LRRC17: variants seen among roughly 807,000 people sequenced by gnomAD.
LRRC17 encodes the protein leucine-rich repeat-containing protein 17.
A neutral mutation model predicts 41.5 loss-of-function variants in LRRC17; 33 were observed. That is an observed-to-expected ratio of 0.80 (90% CI 0.60 to 1.06). The LOEUF (loss-of-function observed/expected upper bound fraction) is 1.06. Ranked by LOEUF, LRRC17 falls within the 50% of genes least tolerant of loss-of-function variation. LRRC17 has a pLI of 0.00. For synonymous variants in LRRC17, 192 were observed against 197.0 expected (o/e 0.97, Z 0.21); for missense variants, 491 against 519.3 (o/e 0.95, Z 0.53).
At position 102,944,344 on chromosome 7, in the gene LRRC17, G is replaced by C; in HGVS notation, c.1063G>C (p.Asp355His). ...GCTCAGAGATAACCCTTGGAGATGT[G>C]ACTACAACATTCACTACCTCTACTA... ...LWLRDNPWRCDYNIHYLYYWL... is the reference protein window; with the variant it reads ...LWLRDNPWRCHYNIHYLYYWL... Residue 355 changes from aspartate (D) to histidine (H), a missense_variant, in exon 4 of 4, where the codon GAC (aspartate) becomes CAC (histidine). By Grantham distance (81) the Asp-to-His change is moderately conservative. Transcript: ENST00000339431. 1 of 1,614,044 alleles carries C rather than the reference G, an allele frequency of 6.2e-7. No homozygotes were observed. The highest frequency in any genetic ancestry group is 8.5e-7 in the Non-Finnish European group (1 of 1,179,966).
At position 102,918,732 on chromosome 7, in the gene LRRC17, G is replaced by A. The variant is rs901349758; in HGVS notation, c.-141+5587G>A. Reference sequence around the variant, plus strand: ...CTATCATCACACTATGTAGCTGGGTGTAGCCTGGGTGAAAGAGCAAGGCCC... The same window carrying A: ...CTATCATCACACTATGTAGCTGGGTATAGCCTGGGTGAAAGAGCAAGGCCC... On this transcript the variant is annotated intron_variant, in intron 1 of 3. Coordinates refer to ENST00000339431, the MANE Select transcript of LRRC17 (RefSeq NM_001031692.3). Among the ~76,000 whole-genome samples the A allele has an allele frequency of 2.6e-5, 4 of 152,172 alleles. No individual in the cohort carries two copies. In the East Asian group the frequency reaches 7.7e-4, roughly 29 times the overall value.
chr7:102,928,162 A>G (rs61047356), intron 1 of LRRC17, among the ~76,000 whole-genome samples: 4,326 of 152,166 alleles, frequency 0.028, 207 homozygotes, highest in East Asian at 0.16. Context: ...AAATTAGACC[A>G]CTCCCATTCT....
intron 2 of LRRC17, among the ~76,000 whole-genome samples, chr7:102,935,505 G>A (rs6942688): frequency 0.052 from 7,962 of 152,038 alleles, 279 homozygotes; most frequent in South Asian, 0.13. Context: ...ATGAGACTAA[G>A]GAAATCTTTC....
chr7:102,919,307 A>G (rs1224032321), intron 1 of LRRC17, among the ~76,000 whole-genome samples: 2 of 152,226 alleles, frequency 1.3e-5, no homozygotes, highest in Non-Finnish European at 2.9e-5. Flanking sequence ...TATGCTAATG[A>G]AAAGGCATAT....
chr7:102,919,888 G>A (rs1345679915), intron 1 of LRRC17, among the ~76,000 whole-genome samples: 1 of 152,020 alleles, frequency 6.6e-6, no homozygotes, highest in Non-Finnish European at 1.5e-5. Context: ...AGTAAGCTGT[G>A]AGAAAAAAAG....
chr7:102,940,260 A>T (rs1821153212), intron 3 of LRRC17, among the ~76,000 whole-genome samples: 2 of 147,280 alleles, frequency 1.4e-5, no homozygotes. Flanking sequence ...GCCAGGCTGG[A>T]GTGCAATGGT....
rs1822092794 is a variant in LRRC17, at chr7:102,944,503, T to A, written c.1222T>A (p.Tyr408Asn). 6.2e-7 allele frequency: 1 copy of A among 1,613,918 alleles called. No homozygotes were observed. The highest frequency in any genetic ancestry group is 1.3e-5 in the African/African-American group (1 of 74,892). ...ATGCCCCAAAGACAAGTTACCAGCA[T>A]ATCCTGAGTCATTTGACCAAGACAC... ...EECPKDKLPA[Y>N]PESFDQDTED... Residue 408 changes from tyrosine (Y) to asparagine (N), a missense_variant, in exon 4 of 4, where the codon TAT becomes AAT. By Grantham distance (143) the Tyr-to-Asn change is moderately radical. Transcript: ENST00000339431.
intron 2 of LRRC17, among the ~76,000 whole-genome samples, chr7:102,935,086 GT>G (rs1368589397): frequency 3.3e-5 from 5 of 152,146 alleles, no homozygotes; most frequent in Non-Finnish European, 7.4e-5. Flanking sequence ...GTGTGCATCT[GT>G]GAGAAGATCA....
intron 3 of LRRC17, among the ~76,000 whole-genome samples, 153 bp from the exon 4 acceptor site, chr7:102,944,057 G>A (rs1821974512): frequency 6.6e-6 from 1 of 152,134 alleles, no homozygotes; most frequent in African/African-American, 2.4e-5. Flanking sequence ...GTTTTCTAAA[G>A]TAAAAGCTCT....
chr7:102,921,084 G>A (rs1360615557), intron 1 of LRRC17, among the ~76,000 whole-genome samples: 5 of 152,234 alleles, frequency 3.3e-5, no homozygotes, highest in South Asian at 2.1e-4. Context: ...CCCAGGAGGC[G>A]GAGGTTGCAG....
intron 1 of LRRC17, among the ~76,000 whole-genome samples, chr7:102,924,326 C>T (rs1019960084): frequency 6.6e-6 from 1 of 151,818 alleles, no homozygotes; most frequent in Admixed American, 6.6e-5. Flanking sequence ...AGTTTGCTGA[C>T]CCCTGATTTA....
chr7:102,939,339 G>T lies in LRRC17; in HGVS notation c.773-91G>T, dbSNP rs968338739. The T allele has an allele frequency of 5.4e-6, 6 of 1,110,406 alleles. No individual in the cohort carries two copies. The Admixed American group carries it at 1.4e-4, about 25-fold the overall frequency. The allele number at this position is 1,110,406 out of a possible 1,614,324, so 68.8% of individuals were successfully genotyped here. On this transcript the variant is annotated intron_variant, in intron 2 of 3. Coordinates refer to ENST00000339431, the MANE Select transcript of LRRC17 (RefSeq NM_001031692.3). The stretch of plus-strand genomic sequence containing the variant: ...ATATCCCTTTACCCCTTCTCTTTAA[G>T]AGCTGATTCTTCAATCACACAGATA...
Position 102,933,992 on chromosome 7 carries a change from A to C in LRRC17, c.79A>C (p.Arg27=), listed in dbSNP as rs780894836. The C allele has an allele frequency of 3.0e-5, 48 of 1,614,060 alleles. No individual in the cohort carries two copies. The highest frequency in any genetic ancestry group is 4.0e-5 in the Non-Finnish European group (47 of 1,179,996). The stretch of plus-strand genomic sequence containing the variant: ...GCGCAAAGCAAGCCCAGGCAGTGTG[A>C]GAAGCCGAGTGAATCATGGCCGGGC... The part of the protein sequence containing the change: ...ELRKASPGSV[R]SRVNHGRAGG... The change falls in exon 2 of 4, where the codon AGA becomes CGA. Residue 27 remains arginine, a synonymous_variant. Coordinates refer to ENST00000339431, the MANE Select transcript of LRRC17 (RefSeq NM_001031692.3).
At chr7:102,922,763 G>T (rs917040231) in intron 1 of LRRC17, among the ~76,000 whole-genome samples, 6 of 152,034 alleles carry the variant, frequency 3.9e-5, no homozygotes, top group African/African-American at 1.2e-4. Flanking sequence ...ACGAGGTCAG[G>T]AGATCGAGAC....
chr7:102,943,664 T>G (rs1284488542), intron 3 of LRRC17, among the ~76,000 whole-genome samples: 1 of 152,132 alleles, frequency 6.6e-6, no homozygotes, highest in Non-Finnish European at 1.5e-5. Context: ...ATTACAGGAA[T>G]CTCATCCCTG....
intron 1 of LRRC17, among the ~76,000 whole-genome samples, chr7:102,925,291 A>T (rs1817903781): frequency 6.6e-6 from 1 of 152,122 alleles, no homozygotes; most frequent in African/African-American, 2.4e-5. Context: ...GCTACTCAGG[A>T]GGCTGAGGCG....
intron 3 of LRRC17, chr7:102,942,379 A>G (rs1821633876): frequency 1.5e-5 from 22 of 1,487,958 alleles, no homozygotes; most frequent in Middle Eastern, 3.5e-4. Context: ...GCCAGACTTT[A>G]AAAGACGTGA....
In LRRC17 at chr7:102,934,658, A is replaced by C; in HGVS notation, c.745A>C (p.Ile249Leu). The C allele has an allele frequency of 6.3e-7, 1 of 1,599,304 alleles. No homozygotes were observed. The highest frequency in any genetic ancestry group is 8.5e-7 in the Non-Finnish European group (1 of 1,175,996). ...STFCHNYVFPIQTLDCKRKEL... is the reference protein window; with the variant it reads ...STFCHNYVFPLQTLDCKRKEL... Reference sequence around the variant, plus strand: ...TTTTTGCCACAATTATGTGTTTCCCATACAAACACTGGACTGCAAAAGGAA... The same window carrying C: ...TTTTTGCCACAATTATGTGTTTCCCCTACAAACACTGGACTGCAAAAGGAA... Residue 249 changes from isoleucine to leucine, a missense_variant, in exon 2 of 4, where the codon ATA (isoleucine) becomes CTA (leucine). Physicochemically the swap from Ile to Leu is conservative, Grantham distance 5 (BLOSUM62 2). Transcript: ENST00000339431.
chr7:102,944,713 C>A lies in LRRC17; in HGVS notation c.*106C>A. 1.0e-6 allele frequency: 1 copy of A among 999,298 alleles called. No individual in the cohort carries two copies. Among genetic ancestry groups the A allele is most frequent in the Non-Finnish European group, 1.4e-6 (1 of 697,228 alleles). The allele number at this position is 999,298 out of a possible 1,614,324, so 61.9% of individuals were successfully genotyped here. On this transcript the variant is annotated 3_prime_UTR_variant, in exon 4 of 4. Transcript: ENST00000339431. ...GTGTTGCCTATTTATGCAGGGTAAT[C>A]CAGCTAAAGGAAGCTTTCTTTAATT... is the stretch of plus-strand genomic sequence containing the variant.
Sources: gnomAD v4.1 joint callset for allele counts (sites outside exome capture counted in the v4.1 genomes callset) on GRCh38, gnomAD v4.1.1 for gene constraint, MANE v1.5 for transcripts, NCBI Gene and HGNC (gene_info 2026-07-23, HGNC 2026-07-21) for gene names.